PAPPA2: variants seen among roughly 807,000 people sequenced by gnomAD.
PAPPA2 encodes the protein pappalysin-2.
Under a neutral mutation model 176.4 loss-of-function variants are expected in PAPPA2, and 86 were observed. That is an observed-to-expected ratio of 0.49 (90% CI 0.41 to 0.58). The LOEUF is 0.58. PAPPA2 is among the 20% of genes least tolerant of loss of function. PAPPA2 has a pLI of 0.00. For missense variants in PAPPA2, 2,073 were observed against 2,256.9 expected (o/e 0.92, Z 1.65); for synonymous variants, 809 against 852.2 (o/e 0.95, Z 0.88).
chr1:176,559,296 C>G (rs899845523), intron 2 of PAPPA2, among the ~76,000 whole-genome samples: 1 of 152,232 alleles, frequency 6.6e-6, no homozygotes, highest in Non-Finnish European at 1.5e-5. Context: ...TATTTCCCCT[C>G]TTAGGTCTAC....
At chr1:176,558,238 T>C (rs986204421) in intron 2 of PAPPA2, among the ~76,000 whole-genome samples, 1 of 152,202 alleles carries the variant, frequency 6.6e-6, no homozygotes, top group Non-Finnish European at 1.5e-5. Context: ...ACAGTGCTCT[T>C]TCATGTTTTC....
chr1:176,573,539 CA>C (rs1175500145), intron 2 of PAPPA2, among the ~76,000 whole-genome samples: 11 of 152,048 alleles, frequency 7.2e-5, no homozygotes, highest in African/African-American at 1.9e-4. Flanking sequence ...AATGACACTC[CA>C]AAAAAATCAC....
chr1:176,510,820 C>CACACACAT (rs1648558912), intron 1 of PAPPA2, among the ~76,000 whole-genome samples: 1 of 149,446 alleles, frequency 6.7e-6, no homozygotes, highest in African/African-American at 2.5e-5. Flanking sequence ...TACACACACA[C>CACACACAT]ACACACACAC....
At chr1:176,677,929 A>T (rs950861228) in intron 4 of PAPPA2, among the ~76,000 whole-genome samples, 2 of 152,222 alleles carry the variant, frequency 1.3e-5, no homozygotes, top group Non-Finnish European at 2.9e-5. Flanking sequence ...TGTCATACAG[A>T]TTTGTAATAC....
At chr1:176,778,390 G>T (rs762096199) in intron 17 of PAPPA2, among the ~76,000 whole-genome samples, 2 of 152,126 alleles carry the variant, frequency 1.3e-5, no homozygotes, top group African/African-American at 2.4e-5. Flanking sequence ...AGTCAGGCTG[G>T]TCTGGAAGGA....
In PAPPA2 at chr1:176,646,372, A is replaced by T. The variant is rs113239190; in HGVS notation, c.1992-24598A>T. ...ATAATCACATCAGGGTTAATGGGGT[A>T]TCCATCACCTCAAGCATTTATCCTT... is the stretch of plus-strand genomic sequence containing the variant. On this transcript the variant is annotated intron_variant, in intron 3 of 22. Transcript: ENST00000367662. Among the ~76,000 whole-genome samples, 583 of 151,420 alleles carry T rather than the reference A, an allele frequency of 3.9e-3. 3 individuals are homozygous for T. Among genetic ancestry groups the T allele is most frequent in the African/African-American group, 0.013 (549 of 41,386 alleles).
intron 12 of PAPPA2, among the ~76,000 whole-genome samples, chr1:176,728,473 T>C (rs879431033): frequency 5.3e-5 from 8 of 151,708 alleles, no homozygotes; most frequent in Non-Finnish European, 1.2e-4. Context: ...AAAAAGAAAT[T>C]TGAAATATCT....
At chr1:176,791,173 AT>A (rs57185368) in intron 18 of PAPPA2, among the ~76,000 whole-genome samples, 173 bp from the exon 19 acceptor site, 637 of 80,840 alleles carry the variant, frequency 7.9e-3, no homozygotes, top group Non-Finnish European at 0.011. Context: ...AAAGCAAAGA[AT>A]TTTTTTTTTT....
In PAPPA2 at chr1:176,710,318, C is replaced by A. The variant is rs1328189439; in HGVS notation, c.3651+142C>A. The stretch of plus-strand genomic sequence containing the variant: ...GCCCTAGGGAACATTACTGGATCTG[C>A]CAGCATTGCTATTACAATTACATGA... On this transcript the variant is annotated intron_variant, in intron 11 of 22. Transcript: ENST00000367662. 5.6e-6 allele frequency: 4 copies of A among 718,730 alleles called. No homozygotes were observed. The Admixed American group carries it at 1.2e-4, about 22-fold the overall frequency. 44.5% of individuals were successfully genotyped at this position (718,730 alleles called of 1,614,324 possible).
intron 10 of PAPPA2, among the ~76,000 whole-genome samples, chr1:176,707,826 A>G (rs1660942534): frequency 6.6e-6 from 1 of 152,038 alleles, no homozygotes; most frequent in African/African-American, 2.4e-5. Flanking sequence ...TTATTTGACT[A>G]CCATTCAGAT....
intron 2 of PAPPA2, among the ~76,000 whole-genome samples, chr1:176,581,435 G>T (rs1482562177): frequency 4.6e-5 from 7 of 152,130 alleles, no homozygotes; most frequent in South Asian, 2.1e-4. Flanking sequence ...GATTGTGTTG[G>T]CTATTTGAGG....
chr1:176,610,685 G>T (rs1368668447), intron 3 of PAPPA2, among the ~76,000 whole-genome samples: 1 of 152,172 alleles, frequency 6.6e-6, no homozygotes, highest in Non-Finnish European at 1.5e-5. Context: ...GTCTGGGGGA[G>T]AGTGGTGATG....
chr1:176,810,343 A>C (rs1341812579), intron 21 of PAPPA2, among the ~76,000 whole-genome samples: 1 of 152,130 alleles, frequency 6.6e-6, no homozygotes, highest in Non-Finnish European at 1.5e-5. Context: ...GGGGGTCCCA[A>C]CCTTTCTGGA....
intron 3 of PAPPA2, among the ~76,000 whole-genome samples, chr1:176,657,880 A>G (rs543897935): frequency 6.6e-6 from 1 of 152,162 alleles, no homozygotes; most frequent in South Asian, 2.1e-4. Flanking sequence ...GGGATTCTAC[A>G]GCAGGATAAT....
At chr1:176,558,606 G>C (rs1469526612) in intron 2 of PAPPA2, among the ~76,000 whole-genome samples, 2 of 152,082 alleles carry the variant, frequency 1.3e-5, no homozygotes, top group Non-Finnish European at 2.9e-5. Context: ...ATAAGGGTTG[G>C]GCTATAAGTT....
chr1:176,710,456 TTAAAA>T (rs1259001383), intron 11 of PAPPA2, among the ~76,000 whole-genome samples: 61 of 152,316 alleles, frequency 4.0e-4, no homozygotes, highest in East Asian at 3.9e-4. Flanking sequence ...CAAATAAGCT[TTAAAA>T]TATGTATTAA....
At chr1:176,642,940 A>G (rs1342682211) in intron 3 of PAPPA2, among the ~76,000 whole-genome samples, 3 of 151,904 alleles carry the variant, frequency 2.0e-5, no homozygotes, top group Admixed American at 6.6e-5. Context: ...GTCACAAAAT[A>G]GTTAAGAGAC....
chr1:176,831,896 G>A (rs1173288286), intron 21 of PAPPA2, among the ~76,000 whole-genome samples: 1 of 152,058 alleles, frequency 6.6e-6, no homozygotes, highest in Non-Finnish European at 1.5e-5. Flanking sequence ...TTTCTTTTCT[G>A]TTTTTATAAG....
chr1:176,640,180 ATTAT>A (rs531751528), intron 3 of PAPPA2, among the ~76,000 whole-genome samples: 10 of 148,746 alleles, frequency 6.7e-5, no homozygotes, highest in Admixed American at 3.3e-4. Context: ...TTTTATTTTT[ATTAT>A]TTATTTATTT....
Sources: gnomAD v4.1 joint callset for allele counts (sites outside exome capture counted in the v4.1 genomes callset) on GRCh38, gnomAD v4.1.1 for gene constraint, MANE v1.5 for transcripts, NCBI Gene and HGNC (gene_info 2026-07-23, HGNC 2026-07-21) for gene names.